The following ROBO1 variants were observed in gnomAD, a reference collection of about 807,000 sequenced individuals.
ROBO1 encodes roundabout homolog 1.
Under a neutral mutation model 195.9 loss-of-function variants are expected in ROBO1, and 149 were observed. The observed-to-expected ratio is 0.76, with a 90% CI of 0.67 to 0.87. ROBO1 has a LOEUF of 0.87. Ranked by LOEUF, ROBO1 falls within the 40% of genes least tolerant of loss-of-function variation. The probability of loss-of-function intolerance (pLI) is 0.00; values close to 1 mark genes in which losing one functional copy is unlikely to be tolerated. For synonymous variants in ROBO1, 816 were observed against 733.2 expected (o/e 1.11, Z -1.82); for missense variants, 1,933 against 2,068.3 (o/e 0.93, Z 1.27).
chr3:79,363,080 A>G (rs1051210223), intron 2 of ROBO1, among the ~76,000 whole-genome samples: 1 of 152,222 alleles, frequency 6.6e-6, no homozygotes. Flanking sequence ...TAAATGAGCT[A>G]TCAGAAAAAG....
intron 28 of ROBO1, among the ~76,000 whole-genome samples, chr3:78,608,908 G>T (rs1256214986): frequency 1.3e-5 from 2 of 152,094 alleles, no homozygotes; most frequent in African/African-American, 4.8e-5. Context: ...AGTTTGTGAA[G>T]GAAGACTGTA....
chr3:79,632,979 C>T (rs2108032554), intron 1 of ROBO1, among the ~76,000 whole-genome samples: 1 of 151,988 alleles, frequency 6.6e-6, no homozygotes, highest in Admixed American at 6.6e-5. Context: ...TTGAACACTT[C>T]ATTGACAAAG....
At chr3:79,446,827 C>T (rs1181503728) in intron 2 of ROBO1, among the ~76,000 whole-genome samples, 10 of 151,992 alleles carry the variant, frequency 6.6e-5, no homozygotes, top group Admixed American at 1.3e-4. Flanking sequence ...AAAATGCACA[C>T]TTTATTTATT....
chr3:79,665,698 A>G (rs993629533), intron 1 of ROBO1, among the ~76,000 whole-genome samples: 28 of 152,074 alleles, frequency 1.8e-4, no homozygotes, highest in Admixed American at 3.9e-4. Context: ...TGAAAAAATG[A>G]CGCTTGCAAA....
intron 3 of ROBO1, chr3:79,018,354 G>GA: frequency 6.2e-7 from 1 of 1,606,936 alleles, no homozygotes; most frequent in Non-Finnish European, 8.5e-7. Flanking sequence ...GTGCAAAGTG[G>GA]AGAGGGGGCG....
At position 79,155,452 on chromosome 3, in the gene ROBO1, T is replaced by C. The variant is rs558891983; in HGVS notation, c.89-29913A>G. On this transcript the variant is annotated intron_variant, in intron 2 of 30. Transcript: ENST00000464233. ...AAAAACTTTTTCCAAAAATAAGACC[T>C]TTTTTCTTTGCCTAAAATTATTTAG... Among the ~76,000 whole-genome samples the C allele has an allele frequency of 2.2e-4, 33 of 151,890 alleles. 1 individual carries two copies. The East Asian group carries it at 6.2e-3, about 29-fold the overall frequency.
rs761619755 is a variant in ROBO1 at position 78,840,979 on chromosome 3, G to A, written c.500-94079C>T. 7.9e-5 allele frequency among the ~76,000 whole-genome samples: 12 copies of A among 151,208 alleles called. No individual in the cohort carries two copies. In the South Asian group the frequency reaches 8.4e-4, roughly 11 times the overall value. ...TGGGAGGCTGAGGCAGGAGAGTGGC[G>A]TAAACCTGGGAGGTAGAGCTTGCAG... On this transcript the variant is annotated intron_variant, in intron 4 of 30. Coordinates refer to ENST00000464233, the MANE Select transcript of ROBO1 (RefSeq NM_002941.4).
At chr3:79,616,523 G>A (rs186454807) in intron 1 of ROBO1, among the ~76,000 whole-genome samples, 2 of 152,028 alleles carry the variant, frequency 1.3e-5, no homozygotes, top group Non-Finnish European at 2.9e-5. Context: ...TGGGACATAG[G>A]AAACCAGATA....
intron 1 of ROBO1, among the ~76,000 whole-genome samples, chr3:79,708,953 T>C (rs1287020397): frequency 6.6e-6 from 1 of 152,080 alleles, no homozygotes; most frequent in Non-Finnish European, 1.5e-5. Flanking sequence ...TTTTTCTTTA[T>C]ACCAGTGATT....
Position 78,938,588 on chromosome 3 carries a change from C to T in ROBO1, c.499+13G>A. 2 of 1,596,162 alleles carry T rather than the reference C, an allele frequency of 1.3e-6. No homozygotes were observed. Among genetic ancestry groups the T allele is most frequent in the Non-Finnish European group, 8.6e-7 (1 of 1,168,264 alleles). ...ACTCCCTCTGCCAAACACAGAGCGCCCAGTTTACTTACTGGCTACTTCCAG... is the reference window on the plus strand; with the variant it reads ...ACTCCCTCTGCCAAACACAGAGCGCTCAGTTTACTTACTGGCTACTTCCAG... On this transcript the variant is annotated intron_variant, in intron 4 of 30. Coordinates refer to ENST00000464233, the MANE Select transcript of ROBO1 (RefSeq NM_002941.4).
chr3:79,635,032 T>A (rs886286754), intron 1 of ROBO1, among the ~76,000 whole-genome samples: 2 of 152,222 alleles, frequency 1.3e-5, no homozygotes, highest in Non-Finnish European at 2.9e-5. Context: ...TAACAACGTA[T>A]AAGATTGTGT....
In ROBO1 at chr3:79,307,441, T is replaced by G. The variant is rs188446458; in HGVS notation, c.89-181902A>C. On this transcript the variant is annotated intron_variant, in intron 2 of 30. Coordinates refer to ENST00000464233, the MANE Select transcript of ROBO1 (RefSeq NM_002941.4). ...GTGTACTGCTCAGAAAATAGTGCAA[T>G]GCCTTTTAAAAGATCACTGGAGTAT... 2.0e-5 allele frequency among the ~76,000 whole-genome samples: 3 copies of G among 152,266 alleles called. No homozygotes were observed. The East Asian group carries it at 5.8e-4, about 29-fold the overall frequency.
intron 3 of ROBO1, among the ~76,000 whole-genome samples, chr3:79,067,581 A>G (rs1477539475): frequency 6.6e-6 from 1 of 151,960 alleles, no homozygotes; most frequent in Non-Finnish European, 1.5e-5. Flanking sequence ...AGATTATACC[A>G]CATAGATCTT....
At chr3:79,255,479 A>G (rs903799304) in intron 2 of ROBO1, among the ~76,000 whole-genome samples, 2 of 152,214 alleles carry the variant, frequency 1.3e-5, no homozygotes, top group African/African-American at 4.8e-5. Flanking sequence ...AGGTGATTTT[A>G]CTGCTGAGCT....
At chr3:79,024,715 T>A (rs2078170596) in intron 3 of ROBO1, among the ~76,000 whole-genome samples, 1 of 152,206 alleles carries the variant, frequency 6.6e-6, no homozygotes, top group Non-Finnish European at 1.5e-5. Flanking sequence ...ATTGTTCAGT[T>A]TATAGCATTT....
chr3:78,893,963 A>T (rs1185322743), intron 4 of ROBO1, among the ~76,000 whole-genome samples: 1 of 152,200 alleles, frequency 6.6e-6, no homozygotes, highest in Non-Finnish European at 1.5e-5. Flanking sequence ...TAAAATGGGA[A>T]GAATTAATCT....
rs116198203 is a variant in ROBO1 at position 79,216,050 on chromosome 3, G to A, written c.89-90511C>T. On this transcript the variant is annotated intron_variant, in intron 2 of 30. Transcript: ENST00000464233. ...ATTATTTTCTCTTATCCTATACCTC[G>A]TCAGGCAAAGACCTCATCACAAATT... Among the ~76,000 whole-genome samples, 21 of 152,018 alleles carry A rather than the reference G, an allele frequency of 1.4e-4. 1 individual carries two copies. The East Asian group carries it at 2.1e-3, about 15-fold the overall frequency.
At chr3:79,211,141 T>C (rs1465895744) in intron 2 of ROBO1, among the ~76,000 whole-genome samples, 1 of 152,022 alleles carries the variant, frequency 6.6e-6, no homozygotes, top group Admixed American at 6.6e-5. Context: ...ATTAAAGAAT[T>C]TTTTTAGTTT....
intron 4 of ROBO1, among the ~76,000 whole-genome samples, chr3:78,875,081 A>T (rs992601401): frequency 3.3e-5 from 5 of 152,014 alleles, no homozygotes; most frequent in African/African-American, 9.7e-5. Context: ...ATCTACTGAA[A>T]AGTCATGGGA....
Sources: allele counts gnomAD v4.1 joint callset (sites outside exome capture counted in the v4.1 genomes callset), GRCh38; gene constraint gnomAD v4.1.1; transcripts MANE v1.5; gene names NCBI Gene and HGNC (gene_info 2026-07-23, HGNC 2026-07-21).